MAF: variants seen among roughly 807,000 people sequenced by gnomAD.
MAF encodes transcription factor Maf.
MAF carries 10 observed loss-of-function variants against 22.0 expected under a neutral mutation model. The observed-to-expected ratio is 0.45, with a 90% CI of 0.28 to 0.77. The LOEUF (loss-of-function observed/expected upper bound fraction) is 0.77, where lower values mean the gene tolerates loss of function less well. Ranked by LOEUF, MAF falls within the 30% of genes least tolerant of loss-of-function variation. The pLI is 0.12. For synonymous variants in MAF, 337 were observed against 255.8 expected (o/e 1.32, Z -3.03); for missense variants, 544 against 548.4 (o/e 0.99, Z 0.08).
chr16:79,287,010 C>A, the MAF span, among the ~76,000 whole-genome samples: 1 of 152,290 alleles, frequency 6.6e-6, no homozygotes, highest in South Asian at 2.1e-4. Context: ...CAGAAGTGAG[C>A]GTCCCCTTCG....
At chr16:79,369,245 G>C in the MAF span, among the ~76,000 whole-genome samples, 1 of 152,156 alleles carries the variant, frequency 6.6e-6, no homozygotes, top group Admixed American at 6.5e-5. Flanking sequence ...TAAATGATTT[G>C]GGAGCCTTCC....
chr16:79,241,842 C>A, the MAF span, among the ~76,000 whole-genome samples: 2 of 152,208 alleles, frequency 1.3e-5, no homozygotes, highest in Admixed American at 1.3e-4. Flanking sequence ...AACAGCAAAT[C>A]TCTCTGCAAA....
At chr16:79,538,879 G>GA in the MAF span, among the ~76,000 whole-genome samples, 4 of 44,372 alleles carry the variant, frequency 9.0e-5, no homozygotes, top group African/African-American at 1.3e-4. Flanking sequence ...AGAAAAGAAA[G>GA]AAAGAAAGAA....
the MAF span, among the ~76,000 whole-genome samples, chr16:79,494,149 A>G: frequency 6.6e-6 from 1 of 152,168 alleles, no homozygotes; most frequent in Non-Finnish European, 1.5e-5. Flanking sequence ...ATGACCATGA[A>G]CTTTGTGGTG....
the MAF span, among the ~76,000 whole-genome samples, chr16:79,519,330 C>T: frequency 6.6e-6 from 1 of 152,308 alleles, no homozygotes; most frequent in East Asian, 1.9e-4. Flanking sequence ...TGAAGAAAGG[C>T]ATGCTATGCA....
At chr16:79,401,152 AC>A in the MAF span, among the ~76,000 whole-genome samples, 1 of 151,850 alleles carries the variant, frequency 6.6e-6, no homozygotes, top group Admixed American at 6.6e-5. Context: ...CTGGGTCCTC[AC>A]TCCTGATCAG....
At chr16:79,403,475 G>A in the MAF span, among the ~76,000 whole-genome samples, 16 of 152,106 alleles carry the variant, frequency 1.1e-4, no homozygotes, top group African/African-American at 2.2e-4. Context: ...TCAAGTGCCC[G>A]CCCCTCACTT....
At chr16:79,519,021 A>G in the MAF span, among the ~76,000 whole-genome samples, 5 of 152,248 alleles carry the variant, frequency 3.3e-5, no homozygotes, top group Middle Eastern at 3.2e-3. Flanking sequence ...TAGGAATGGA[A>G]GAGCCATGCA....
At chr16:79,388,810 T>C in the MAF span, among the ~76,000 whole-genome samples, 1 of 152,220 alleles carries the variant, frequency 6.6e-6, no homozygotes, top group South Asian at 2.1e-4. Flanking sequence ...TCCTGTCCAT[T>C]TCACGGGTGG....
At chr16:79,547,465 C>T in the MAF span, among the ~76,000 whole-genome samples, 1 of 152,048 alleles carries the variant, frequency 6.6e-6, no homozygotes, top group Non-Finnish European at 1.5e-5. Context: ...TCTATACAAG[C>T]ATCCAAATTT....
the MAF span, among the ~76,000 whole-genome samples, chr16:79,488,383 A>G: frequency 2.6e-5 from 4 of 152,108 alleles, no homozygotes; most frequent in Non-Finnish European, 5.9e-5. Flanking sequence ...CTCTGGGGCG[A>G]GACTGCTTGG....
the MAF span, among the ~76,000 whole-genome samples, chr16:79,291,117 G>A: frequency 6.6e-6 from 1 of 152,068 alleles, no homozygotes; most frequent in African/African-American, 2.4e-5. Flanking sequence ...GCTTGTGGAA[G>A]CCCCGCTTGT....
chr16:79,482,025 G>C, the MAF span, among the ~76,000 whole-genome samples: 3 of 152,132 alleles, frequency 2.0e-5, no homozygotes, highest in African/African-American at 7.2e-5. Flanking sequence ...AAAACTGCTG[G>C]GTCATGGGAT....
intron 1 of MAF, among the ~76,000 whole-genome samples, chr16:79,586,999 C>T (rs768322774): frequency 4.6e-5 from 7 of 152,246 alleles, no homozygotes; most frequent in Non-Finnish European, 7.3e-5. Flanking sequence ...GAGCTATGCT[C>T]ATGCACCTGC....
At chr16:79,322,643 A>G in the MAF span, among the ~76,000 whole-genome samples, 3 of 152,032 alleles carry the variant, frequency 2.0e-5, no homozygotes, top group Admixed American at 1.3e-4. Flanking sequence ...TAAATGTACA[A>G]TTGCATGGTG....
chr16:79,458,650 T>A, the MAF span, among the ~76,000 whole-genome samples: 2 of 152,342 alleles, frequency 1.3e-5, no homozygotes, highest in Non-Finnish European at 2.9e-5. Context: ...TGAATTGTCC[T>A]TTTACATAAA....
At chr16:79,490,033 A>G in the MAF span, among the ~76,000 whole-genome samples, 4 of 152,186 alleles carry the variant, frequency 2.6e-5, no homozygotes, top group African/African-American at 9.7e-5. Context: ...AGGAAAGACA[A>G]GTTGGTTTGG....
chr16:79,584,181 T>A (rs1567555759), downstream of MAF, among the ~76,000 whole-genome samples: 1 of 152,126 alleles, frequency 6.6e-6, no homozygotes, highest in Non-Finnish European at 1.5e-5. Context: ...CCTAGAAAAT[T>A]GTCAGAAATA....
the MAF span, among the ~76,000 whole-genome samples, chr16:79,427,315 G>C: frequency 2.0e-5 from 3 of 152,310 alleles, no homozygotes; most frequent in Admixed American, 6.5e-5. Context: ...CTGCCACCAA[G>C]GGCACTTTGC....
Sources: gnomAD v4.1 joint callset for allele counts (sites outside exome capture counted in the v4.1 genomes callset) on GRCh38, gnomAD v4.1.1 for gene constraint, MANE v1.5 for transcripts, NCBI Gene and HGNC (gene_info 2026-07-23, HGNC 2026-07-21) for gene names.